SORCS1: variants seen among roughly 807,000 people sequenced by gnomAD.
SORCS1 encodes sortilin related VPS10 domain containing receptor 1.
In SORCS1, 60 loss-of-function variants were observed where a neutral mutation model predicts 146.1. That is an observed-to-expected ratio of 0.41 (90% confidence interval 0.33 to 0.51). The LOEUF (loss-of-function observed/expected upper bound fraction) is 0.51, where lower values mean the gene tolerates loss of function less well. Ranked by LOEUF, SORCS1 falls within the 20% of genes least tolerant of loss-of-function variation. SORCS1 has a pLI of 0.21. For missense variants in SORCS1, 1,352 were observed against 1,487.6 expected (o/e 0.91, Z 1.50); for synonymous variants, 637 against 584.0 (o/e 1.09, Z -1.31).
chr10:106,801,754 T>C (rs1946907091), intron 3 of SORCS1, among the ~76,000 whole-genome samples: 1 of 152,144 alleles, frequency 6.6e-6, no homozygotes, highest in African/African-American at 2.4e-5. Context: ...ACGGTCTCGA[T>C]CTCCTGACCT....
intron 1 of SORCS1, among the ~76,000 whole-genome samples, chr10:107,027,010 G>T (rs1450799735): frequency 7.2e-6 from 1 of 138,590 alleles, no homozygotes; most frequent in Non-Finnish European, 1.5e-5. Flanking sequence ...TGACTATCAG[G>T]GGTATATGTG....
rs182209232 is a variant in SORCS1 at position 106,723,391 on chromosome 10, C to A, written c.1024+6659G>T. ...AGTATTTTAATGTACTGGGCTCCTA[C>A]GATGCACACACACACACACACACAC... On this transcript the variant is annotated intron_variant, in intron 6 of 25. Coordinates refer to ENST00000263054, the MANE Select transcript of SORCS1 (RefSeq NM_052918.5). 2.2e-4 allele frequency among the ~76,000 whole-genome samples: 15 copies of A among 67,870 alleles called. No homozygotes were observed. In the East Asian group the frequency reaches 5.0e-3, roughly 22 times the overall value. The allele number at this position is 67,870 out of a possible 152,430, so 44.5% of individuals were successfully genotyped here. A position where few individuals can be genotyped will look rare whatever the true frequency, so the allele number is the denominator to read the frequency against.
chr10:106,700,280 A>G (rs903030334), intron 8 of SORCS1, among the ~76,000 whole-genome samples: 8 of 152,148 alleles, frequency 5.3e-5, no homozygotes, highest in African/African-American at 1.7e-4. Context: ...GAGAAGTACA[A>G]TGGAAGCTAC....
At chr10:106,907,383 G>T (rs1237860930) in intron 2 of SORCS1, among the ~76,000 whole-genome samples, 1 of 152,142 alleles carries the variant, frequency 6.6e-6, no homozygotes, top group South Asian at 2.1e-4. Context: ...AGAAATAAAG[G>T]ATACAGTTCA....
intron 24 of SORCS1, among the ~76,000 whole-genome samples, chr10:106,590,248 C>T (rs4917478): frequency 0.37 from 56,801 of 151,932 alleles, 13,163 homozygotes; most frequent in East Asian, 0.74. Context: ...CTCAGCTTTA[C>T]TGAATCTTCT....
intron 2 of SORCS1, among the ~76,000 whole-genome samples, chr10:106,943,561 G>A (rs536072445): frequency 1.8e-4 from 27 of 151,992 alleles, no homozygotes; most frequent in East Asian, 5.8e-4. Context: ...TAATCCCAGC[G>A]CTTTGGGAGG....
At chr10:106,858,998 G>A (rs1053614727) in intron 2 of SORCS1, among the ~76,000 whole-genome samples, 30 of 152,318 alleles carry the variant, frequency 2.0e-4, no homozygotes, top group African/African-American at 7.0e-4. Flanking sequence ...ACTTGTTGCA[G>A]TAGTCCAGGT....
intron 1 of SORCS1, among the ~76,000 whole-genome samples, chr10:107,067,388 G>C (rs559323698): frequency 1.3e-5 from 2 of 151,620 alleles, no homozygotes; most frequent in Non-Finnish European, 2.9e-5. Flanking sequence ...TCTGGGAAAA[G>C]ATCATATTGG....
intron 2 of SORCS1, among the ~76,000 whole-genome samples, chr10:106,929,980 C>T (rs528707647): frequency 1.3e-4 from 20 of 152,334 alleles, no homozygotes; most frequent in African/African-American, 3.6e-4. Flanking sequence ...GGCGCAGTGG[C>T]GCATGCCTGT....
intron 2 of SORCS1, among the ~76,000 whole-genome samples, chr10:106,934,144 A>G (rs927824520): frequency 1.3e-5 from 2 of 151,968 alleles, no homozygotes; most frequent in Admixed American, 1.3e-4. Context: ...AAGTGAAAAT[A>G]TAATAGACAT....
intron 1 of SORCS1, among the ~76,000 whole-genome samples, chr10:107,078,694 C>T (rs991062559): frequency 6.6e-6 from 1 of 152,080 alleles, no homozygotes; most frequent in Non-Finnish European, 1.5e-5. Flanking sequence ...TTTTTCAGGA[C>T]CATCAGTGAA....
the SORCS1 span, among the ~76,000 whole-genome samples, chr10:107,179,036 C>T: frequency 6.6e-6 from 1 of 152,126 alleles, no homozygotes; most frequent in Non-Finnish European, 1.5e-5. Flanking sequence ...TGCAAAGTCT[C>T]TATATTGTTA....
chr10:106,792,148 A>G (rs901432412), intron 3 of SORCS1, among the ~76,000 whole-genome samples: 1 of 152,248 alleles, frequency 6.6e-6, no homozygotes, highest in African/African-American at 2.4e-5. Context: ...CATTCTGCAC[A>G]TATTATACAC....
At chr10:107,043,734 G>T (rs1307808265) in intron 1 of SORCS1, among the ~76,000 whole-genome samples, 1 of 152,008 alleles carries the variant, frequency 6.6e-6, no homozygotes. Context: ...AGCCCCTTCT[G>T]CCAGCCCTAT....
intron 3 of SORCS1, among the ~76,000 whole-genome samples, chr10:106,800,022 T>C (rs1042052171): frequency 6.6e-6 from 1 of 152,066 alleles, no homozygotes; most frequent in Admixed American, 6.6e-5. Context: ...AAATGTAACA[T>C]TTGGTTATAG....
chr10:106,765,091 T>C (rs1003288828), intron 4 of SORCS1, among the ~76,000 whole-genome samples: 2 of 151,326 alleles, frequency 1.3e-5, no homozygotes, highest in African/African-American at 4.9e-5. Context: ...GTATAAATGT[T>C]GAAAAAGAAC....
intron 1 of SORCS1, among the ~76,000 whole-genome samples, chr10:107,037,991 T>C (rs1378404870): frequency 6.6e-6 from 1 of 152,100 alleles, no homozygotes; most frequent in Admixed American, 6.6e-5. Flanking sequence ...CAGGTCCTGC[T>C]AGTTTTTGTA....
intron 23 of SORCS1, among the ~76,000 whole-genome samples, chr10:106,598,281 G>T (rs1846031429): frequency 8.7e-6 from 1 of 115,452 alleles, no homozygotes; most frequent in African/African-American, 4.0e-5. Flanking sequence ...ATTATTATTT[G>T]AGATGGAGTC....
At chr10:106,866,756 A>G (rs535414316) in intron 2 of SORCS1, among the ~76,000 whole-genome samples, 6 of 152,364 alleles carry the variant, frequency 3.9e-5, no homozygotes, top group Non-Finnish European at 7.3e-5. Context: ...ATATCTTGCT[A>G]AAAACCCCAC....
Sources: allele counts gnomAD v4.1 joint callset (sites outside exome capture counted in the v4.1 genomes callset), GRCh38; gene constraint gnomAD v4.1.1; transcripts MANE v1.5; gene names NCBI Gene and HGNC (gene_info 2026-07-23, HGNC 2026-07-21).